Variants in USP30 observed in about 807,000 individuals in gnomAD.
USP30 encodes the protein ubiquitin specific peptidase 30, also known as ubiquitin carboxyl-terminal hydrolase 30.
A neutral mutation model predicts 68.2 loss-of-function variants in USP30; 41 were observed. The observed-to-expected ratio is 0.60, with a 90% CI of 0.47 to 0.78. The LOEUF (loss-of-function observed/expected upper bound fraction) is 0.78, where lower values mean the gene tolerates loss of function less well. Ranked by LOEUF, USP30 falls within the 30% of genes least tolerant of loss-of-function variation. The pLI is 0.00. For synonymous variants in USP30, 229 were observed against 253.7 expected, an observed-to-expected ratio of 0.90 and a Z score of 0.93; for missense variants, 522 against 649.4, an observed-to-expected ratio of 0.80 and a Z score of 2.13.
rs569070934 is a variant in USP30, at chr12:109,061,918, T to G, written c.376+3810T>G. ...CTATGCATCCATAGAAATTATATAT[T>G]GTAGGTTTTTTTGTTTTCTGTTTTG... On this transcript the variant is annotated intron_variant, in intron 3 of 12. Transcript: ENST00000257548. Among the ~76,000 whole-genome samples the G allele has an allele frequency of 2.0e-5, 3 of 152,170 alleles. No individual in the cohort carries two copies. In the South Asian group the frequency reaches 6.2e-4, roughly 32 times the overall value.
At chr12:109,050,396 A>G (rs1593229593), upstream of USP30, among the ~76,000 whole-genome samples, 2 of 152,362 alleles carry the variant, frequency 1.3e-5, no homozygotes, top group Admixed American at 6.5e-5. Context: ...ACAGTTAGAT[A>G]TAAACAAAAT....
rs759987051 is a variant in USP30, at chr12:109,085,814, C to T, written c.1437C>T (p.Asp479=). 6.2e-7 allele frequency: 1 copy of T among 1,614,216 alleles called. No homozygotes were observed. Among genetic ancestry groups the T allele is most frequent in the Non-Finnish European group, 8.5e-7 (1 of 1,180,050 alleles). The change falls in exon 13 of 13, where the codon GAC becomes GAT. Residue 479 remains aspartate (D), a synonymous_variant. Coordinates refer to ENST00000257548, the MANE Select transcript of USP30 (RefSeq NM_032663.5). ...ATCAGTGGCTGTGGGTCTCCGATGACACTGTCCGCAAGGCCAGCCTGCAGG... is the reference window on the plus strand; with the variant it reads ...ATCAGTGGCTGTGGGTCTCCGATGATACTGTCCGCAAGGCCAGCCTGCAGG... ...TSNQWLWVSD[D]TVRKASLQEV...
chr12:109,060,776 T>TC (rs1047104397), intron 3 of USP30, among the ~76,000 whole-genome samples: 20 of 152,006 alleles, frequency 1.3e-4, no homozygotes, highest in African/African-American at 4.8e-4. Flanking sequence ...TGCCTCAGCC[T>TC]CCCGAGTAGC....
chr12:109,045,656 G>T (rs1269278085), intron 3 of USP30, among the ~76,000 whole-genome samples: 1 of 152,208 alleles, frequency 6.6e-6, no homozygotes, highest in Non-Finnish European at 1.5e-5. Flanking sequence ...AGGAGGGGCT[G>T]TTGGGAGGAT....
intron 3 of USP30, chr12:109,060,090 T>C (rs1437723708): frequency 1.3e-5 from 2 of 152,240 alleles, no homozygotes; most frequent in African/African-American, 2.4e-5. Context: ...AAGTAATCGA[T>C]GGCATACAGC....
chr12:109,087,345 A>C lies in USP30; in HGVS notation c.*1414A>C, dbSNP rs2041970217. On this transcript the variant is annotated 3_prime_UTR_variant, in exon 13 of 13. Transcript: ENST00000257548. ...GGGGGTGAGCTGGCAGACACACCAA[A>C]CAGTGCCTTGGCAGCAGCTCACAGT... 6.6e-6 allele frequency: 1 copy of C among 152,212 alleles called. No individual in the cohort carries two copies. The highest frequency in any genetic ancestry group is 2.1e-4 in the South Asian group (1 of 4,812). The allele number at this position is 152,212 out of a possible 1,614,324, so 9.4% of individuals were successfully genotyped here.
At chr12:109,065,420 A>G (rs1186585653) in intron 3 of USP30, among the ~76,000 whole-genome samples, 1 of 152,212 alleles carries the variant, frequency 6.6e-6, no homozygotes, top group Non-Finnish European at 1.5e-5. Context: ...ATAATCAAAG[A>G]GTTCGAGATC....
chr12:109,042,246 A>G (rs1356257020), intron 3 of USP30, among the ~76,000 whole-genome samples: 1 of 150,832 alleles, frequency 6.6e-6, no homozygotes, highest in Non-Finnish European at 1.5e-5. Flanking sequence ...CTGTGTTTCC[A>G]TTATGTTTTT....
chr12:109,068,358 C>T (rs1236537083), intron 4 of USP30, among the ~76,000 whole-genome samples: 3 of 152,104 alleles, frequency 2.0e-5, no homozygotes, highest in African/African-American at 4.8e-5. Flanking sequence ...TCTTGGACCT[C>T]CCAAAACTGT....
intron 8 of USP30, chr12:109,081,632 CA>C (rs2041804718): frequency 4.1e-6 from 2 of 486,544 alleles, no homozygotes; most frequent in African/African-American, 5.9e-5. Context: ...CGCACACACA[CA>C]CACACACACA....
In USP30 at chr12:109,052,657, T is replaced by C; in HGVS notation, c.-22T>C. On this transcript the variant is annotated 5_prime_UTR_variant, in exon 1 of 13. Coordinates refer to ENST00000257548, the MANE Select transcript of USP30 (RefSeq NM_032663.5). Reference sequence around the variant, plus strand: ...GGCGGCGGTAGCGGAGGAGACGGTTTCAGGCCTCCGGTGCGGCTGCAATGC... The same window carrying C: ...GGCGGCGGTAGCGGAGGAGACGGTTCCAGGCCTCCGGTGCGGCTGCAATGC... 1 of 1,490,230 alleles carries C rather than the reference T, an allele frequency of 6.7e-7. No homozygotes were observed. Among genetic ancestry groups the C allele is most frequent in the Admixed American group, 2.3e-5 (1 of 43,222 alleles). 92.3% of individuals were successfully genotyped at this position (1,490,230 alleles called of 1,614,324 possible).
intron 6 of USP30, 149 bp downstream of exon 6, chr12:109,072,499 T>G: frequency 1.4e-6 from 1 of 733,230 alleles, no homozygotes; most frequent in Non-Finnish European, 2.3e-6. Context: ...ATTTTGGAAA[T>G]AGCTTTAAAT....
intron 3 of USP30, among the ~76,000 whole-genome samples, chr12:109,034,932 A>T (rs1282100784): frequency 6.6e-6 from 1 of 152,102 alleles, no homozygotes; most frequent in Non-Finnish European, 1.5e-5. Context: ...TATTAGTGTA[A>T]TTACTTCAGC....
At chr12:109,026,990 C>T (rs940597236) in intron 2 of USP30, among the ~76,000 whole-genome samples, 4 of 152,174 alleles carry the variant, frequency 2.6e-5, no homozygotes, top group African/African-American at 9.7e-5. Flanking sequence ...CCTGCATGAC[C>T]TTCTGTAACC....
rs1356589165 is a variant in USP30, at chr12:109,054,017, A to G, written c.83+1256A>G. ...AAATGAAAGTGATAGTAGAACCTGC[A>G]TCTGTGGGGTTGTTTTAAAAATGAG... On this transcript the variant is annotated intron_variant, in intron 1 of 12. Coordinates refer to ENST00000257548, the MANE Select transcript of USP30 (RefSeq NM_032663.5). The G allele has an allele frequency of 8.8e-6, 4 of 455,940 alleles. No individual in the cohort carries two copies. The Admixed American group carries it at 9.4e-5, about 11-fold the overall frequency. The allele number at this position is 455,940 out of a possible 1,614,324, so 28.2% of individuals were successfully genotyped here. A position where few individuals can be genotyped will look rare whatever the true frequency, so the allele number is the denominator to read the frequency against.
At chr12:109,037,441 T>A (rs2040529773) in intron 3 of USP30, among the ~76,000 whole-genome samples, 1 of 152,214 alleles carries the variant, frequency 6.6e-6, no homozygotes. Flanking sequence ...TTACTGTTTT[T>A]CCCCCTGTGC....
At chr12:109,074,020 A>T (rs1346366570) in intron 7 of USP30, among the ~76,000 whole-genome samples, 1 of 152,088 alleles carries the variant, frequency 6.6e-6, no homozygotes, top group African/African-American at 2.4e-5. Flanking sequence ...ACTCATTAGC[A>T]ACCTCTCCCC....
intron 1 of USP30, among the ~76,000 whole-genome samples, chr12:109,055,383 T>TATATATATATATAC (rs2040819452): frequency 1.1e-4 from 5 of 46,266 alleles, no homozygotes; most frequent in African/African-American, 4.1e-4. Flanking sequence ...TATATACATA[T>TATATATATATATAC]ATATATATAT....
intron 3 of USP30, among the ~76,000 whole-genome samples, chr12:109,065,749 G>A (rs867387446): frequency 1.2e-4 from 18 of 152,220 alleles, no homozygotes; most frequent in East Asian, 3.8e-4. Flanking sequence ...TCTGGTTAAC[G>A]TGTAACATCT....
Sources: gnomAD v4.1 joint callset for allele counts (sites outside exome capture counted in the v4.1 genomes callset) on GRCh38, gnomAD v4.1.1 for gene constraint, MANE v1.5 for transcripts, NCBI Gene and HGNC (gene_info 2026-07-23, HGNC 2026-07-21) for gene names.